ADGRL2: variants seen among roughly 807,000 people sequenced by gnomAD.
The protein encoded by ADGRL2 is calcium-independent alpha-latrotoxin receptor 2.
In ADGRL2, 44 loss-of-function variants were observed where a neutral mutation model predicts 157.4. That is an observed-to-expected ratio of 0.28 (90% CI 0.22 to 0.36). The LOEUF is 0.36. Among genes scored for constraint, ADGRL2 ranks in the 10% least tolerant of loss-of-function variants. The pLI is 1.00. For synonymous variants in ADGRL2, 585 were observed against 624.7 expected (o/e 0.94, Z 0.95); for missense variants, 1,510 against 1,768.9 (o/e 0.85, Z 2.63).
chr1:81,677,019 TC>T, intron 3 of ADGRL2, among the ~76,000 whole-genome samples: 1 of 142,686 alleles, frequency 7.0e-6, no homozygotes, highest in Non-Finnish European at 1.5e-5. Context: ...AGAGTTTCGC[TC>T]TTGTTGCCCA....
At chr1:81,651,887 A>T (rs1557537928) in intron 3 of ADGRL2, among the ~76,000 whole-genome samples, 2 of 150,036 alleles carry the variant, frequency 1.3e-5, no homozygotes, top group Non-Finnish European at 1.5e-5. Context: ...CACCCAACTA[A>T]TTTTTTTTTT....
In ADGRL2 at chr1:81,990,962, G is replaced by C. The variant is rs1377405426; in HGVS notation, c.4227G>C (p.Arg1409Ser). 1.9e-6 allele frequency: 3 copies of C among 1,613,932 alleles called. No homozygotes were observed. The highest frequency in any genetic ancestry group is 2.5e-6 in the Non-Finnish European group (3 of 1,179,994). ...DMEEDLSPSR[R>S]SENEDIYYKS... ...AAGAAGACCTCTCTCCCTCCAGGAG[G>C]AGTGAGAATGAGGACATTTACTATA... The change falls in exon 24 of 24, where the codon AGG (arginine) becomes AGC (serine). Residue 1409 changes from arginine to serine, a missense_variant. Arg to Ser is a moderately radical substitution (Grantham distance 110). Around this residue, in one of 4 missense-constraint regions of ADGRL2, gnomAD observed 327 missense variants for 310.1 expected, o/e 1.05. Coordinates refer to ENST00000686636, the MANE Select transcript of ADGRL2 (RefSeq NM_001366006.2).
At chr1:81,589,849 A>C (rs1458246763) in intron 3 of ADGRL2, among the ~76,000 whole-genome samples, 2 of 152,180 alleles carry the variant, frequency 1.3e-5, no homozygotes, top group Admixed American at 6.5e-5. Flanking sequence ...TCAACCTCTA[A>C]CTGGCTCATG....
intron 2 of ADGRL2, among the ~76,000 whole-genome samples, chr1:81,891,940 A>G (rs1046735495): frequency 6.7e-6 from 1 of 149,982 alleles, no homozygotes; most frequent in Non-Finnish European, 1.5e-5. Context: ...TTTGCAGAAC[A>G]TAATAAGTGT....
At chr1:81,689,518 G>T (rs763408723) in intron 3 of ADGRL2, among the ~76,000 whole-genome samples, 5 of 152,184 alleles carry the variant, frequency 3.3e-5, no homozygotes, top group Admixed American at 6.5e-5. Context: ...TGGGGCCTCA[G>T]ATTTTTCACA....
intron 2 of ADGRL2, among the ~76,000 whole-genome samples, chr1:81,509,618 TA>T (rs1257133655): frequency 2.0e-5 from 3 of 152,144 alleles, no homozygotes; most frequent in Non-Finnish European, 4.4e-5. Flanking sequence ...TAGAAACTGT[TA>T]AAAACATGAA....
At chr1:81,366,302 A>G (rs1007428047) in intron 1 of ADGRL2, among the ~76,000 whole-genome samples, 3 of 152,116 alleles carry the variant, frequency 2.0e-5, no homozygotes, top group African/African-American at 4.8e-5. Context: ...CCAGAAAAAA[A>G]AAAAAGTAAT....
intron 19 of ADGRL2, 190 bp from the exon 20 acceptor site, chr1:81,984,393 G>A (rs1331635851): frequency 9.9e-6 from 5 of 505,862 alleles, no homozygotes; most frequent in East Asian, 6.1e-5. Flanking sequence ...CTAGTGGACA[G>A]AGATACTTTT....
intron 3 of ADGRL2, among the ~76,000 whole-genome samples, chr1:81,694,736 C>T (rs750745497): frequency 2.6e-5 from 4 of 152,032 alleles, no homozygotes; most frequent in Non-Finnish European, 4.4e-5. Flanking sequence ...CAGTGAGGTT[C>T]GTCTTCCCAT....
chr1:81,306,201 T>G (rs1659330480), exon 1 of ADGRL2: 1 of 152,220 alleles, frequency 6.6e-6, no homozygotes, highest in Non-Finnish European at 1.5e-5. Context: ...TGTCCCTCAT[T>G]CATGCACTCT....
rs145062918 is a variant in ADGRL2 at position 81,320,392 on chromosome 1, A to G, written c.-302+13883A>G. The stretch of plus-strand genomic sequence containing the variant: ...AATCATGAATGTCTTAATGGCATCT[A>G]GAATGGTGAATCCTTGCCAAAAGGT... On this transcript the variant is annotated intron_variant, in intron 1 of 24. Transcript: ENST00000370721. Among the ~76,000 whole-genome samples the G allele has an allele frequency of 2.5e-3, 377 of 152,338 alleles. 2 individuals are homozygous for G. The highest frequency in any genetic ancestry group is 8.6e-3 in the African/African-American group (357 of 41,580).
intron 3 of ADGRL2, among the ~76,000 whole-genome samples, chr1:81,592,086 G>A (rs1175745607): frequency 6.6e-6 from 1 of 152,082 alleles, no homozygotes; most frequent in African/African-American, 2.4e-5. Flanking sequence ...TCTCTTTAAT[G>A]CATCAGTGAT....
chr1:81,968,320 T>C (rs1417257839), intron 14 of ADGRL2, 121 bp downstream of exon 14: 1 of 784,868 alleles, frequency 1.3e-6, no homozygotes, highest in East Asian at 2.6e-5. Flanking sequence ...GTAATGTTGA[T>C]TTCTAATTGT....
intron 3 of ADGRL2, 38 bp downstream of exon 3, chr1:81,907,268 G>C (rs2094602487): frequency 1.3e-6 from 2 of 1,538,784 alleles, no homozygotes; most frequent in South Asian, 2.2e-5. Context: ...TTGAGCTATT[G>C]TATCCAAATT....
chr1:81,553,556 C>T (rs1052630241), intron 2 of ADGRL2, among the ~76,000 whole-genome samples: 1 of 152,174 alleles, frequency 6.6e-6, no homozygotes, highest in African/African-American at 2.4e-5. Context: ...ATCTGGCATG[C>T]TATTTCACCC....
At chr1:81,846,448 A>G (rs994416793) in intron 2 of ADGRL2, among the ~76,000 whole-genome samples, 3 of 151,386 alleles carry the variant, frequency 2.0e-5, no homozygotes, top group Non-Finnish European at 2.9e-5. Flanking sequence ...GAAGTTCTAC[A>G]TTTTAGGAAT....
At chr1:81,897,807 G>A (rs2094419179) in intron 2 of ADGRL2, among the ~76,000 whole-genome samples, 1 of 152,068 alleles carries the variant, frequency 6.6e-6, no homozygotes, top group Non-Finnish European at 1.5e-5. Context: ...GAAAATATTG[G>A]TGTATTTCTT....
chr1:81,803,831 AT>A (rs2088700035), intron 1 of ADGRL2, among the ~76,000 whole-genome samples: 1 of 152,126 alleles, frequency 6.6e-6, no homozygotes, highest in African/African-American at 2.4e-5. Flanking sequence ...AGAGGCATAG[AT>A]TTAACGGACG....
rs1305437206 is a variant in ADGRL2, at chr1:81,993,202, C to T, written c.*2057C>T. On this transcript the variant is annotated 3_prime_UTR_variant, in exon 24 of 24. Coordinates refer to ENST00000686636, the MANE Select transcript of ADGRL2 (RefSeq NM_001366006.2). ...CTGCAACCTCCGCCTCCCAGGTTCT[C>T]AAACAGATTTAACAATCCTCTGAGA... Among the ~76,000 whole-genome samples, 1 of 141,122 alleles carries T rather than the reference C, an allele frequency of 7.1e-6. No individual in the cohort carries two copies. The highest frequency in any genetic ancestry group is 1.5e-5 in the Non-Finnish European group (1 of 66,216). The allele number at this position is 141,122 out of a possible 152,430, so 92.6% of individuals were successfully genotyped here. A position where few individuals can be genotyped will look rare whatever the true frequency, so the allele number is the denominator to read the frequency against.
Sources: allele counts gnomAD v4.1 joint callset (sites outside exome capture counted in the v4.1 genomes callset), GRCh38; gene constraint gnomAD v4.1.1; regional missense constraint gnomAD v4.1.1; transcripts MANE v1.5; gene names NCBI Gene and HGNC (gene_info 2026-07-23, HGNC 2026-07-21).